Variants in VDR observed in about 807,000 individuals in gnomAD.
VDR encodes the protein vitamin D3 receptor.
A neutral mutation model predicts 39.7 loss-of-function variants in VDR; 19 were observed. The observed-to-expected ratio is 0.48, with a 90% CI of 0.33 to 0.70. VDR has a LOEUF of 0.70. VDR is among the 30% of genes least tolerant of loss of function. The pLI is 0.02. For synonymous variants in VDR, 242 were observed against 215.8 expected (o/e 1.12, Z -1.07); for missense variants, 442 against 570.5 (o/e 0.77, Z 2.29).
intron 7 of VDR, 82 bp downstream of exon 7, chr12:47,855,548 G>A (rs1187079451): frequency 6.6e-7 from 1 of 1,511,114 alleles, no homozygotes; most frequent in Non-Finnish European, 9.1e-7. Context: ...AAAAGAAGTG[G>A]TGGATGAGTG....
chr12:47,899,995 A>G, intron 1 of VDR: 1 of 978,830 alleles, frequency 1.0e-6, no homozygotes, highest in Non-Finnish European at 1.2e-6. Flanking sequence ...AGGTAGGCAA[A>G]GTGAGAATAG....
At chr12:47,886,520 G>C (rs1017420813) in intron 1 of VDR, among the ~76,000 whole-genome samples, 5 of 152,206 alleles carry the variant, frequency 3.3e-5, no homozygotes, top group Non-Finnish European at 7.3e-5. Flanking sequence ...ATAATGGGGA[G>C]TGGAGAGGGT....
chr12:47,859,970 T>C (rs879407200), intron 4 of VDR, among the ~76,000 whole-genome samples: 3 of 141,570 alleles, frequency 2.1e-5, no homozygotes, highest in Non-Finnish European at 4.5e-5. Flanking sequence ...TTTCTTTCTT[T>C]CTTTCTTTCT....
At chr12:47,845,099 A>C in intron 9 of VDR, 94 bp from the exon 10 acceptor site, 1 of 1,580,710 alleles carries the variant, frequency 6.3e-7, no homozygotes, top group Non-Finnish European at 8.6e-7. Context: ...CAGACACTCA[A>C]CGGCAGCACC....
rs146244426 is a variant in VDR, at chr12:47,871,758, C to T, written c.147-6581G>A. Among the ~76,000 whole-genome samples, 553 of 152,338 alleles carry T rather than the reference C, an allele frequency of 3.6e-3. 2 individuals are homozygous for T. Among genetic ancestry groups the T allele is most frequent in the Non-Finnish European group, 5.2e-3 (355 of 68,030 alleles). ...GGGATTACAGGCATGAGCCACCGTG[C>T]CCAGCCAGGCACTGGTTTCTTATCT... On this transcript the variant is annotated intron_variant, in intron 3 of 9. Transcript: ENST00000549336.
chr12:47,872,568 C>T (rs1232341776), intron 3 of VDR, among the ~76,000 whole-genome samples: 1 of 152,162 alleles, frequency 6.6e-6, no homozygotes, highest in Non-Finnish European at 1.5e-5. Flanking sequence ...GAGCCACAGC[C>T]CCTGTGCTAG....
At chr12:47,869,535 C>CAAAAAAAA (rs33940574) in intron 3 of VDR, among the ~76,000 whole-genome samples, 1 of 68,970 alleles carries the variant, frequency 1.4e-5, no homozygotes, top group African/African-American at 5.8e-5. Context: ...GACTCCATCT[C>CAAAAAAAA]AAAAAAAAAA....
chr12:47,880,734 C>T (rs1946129964), intron 2 of VDR, among the ~76,000 whole-genome samples: 1 of 151,790 alleles, frequency 6.6e-6, no homozygotes, highest in Middle Eastern at 3.4e-3. Context: ...TGGCAAAGAT[C>T]GCAATTACTT....
intron 1 of VDR, among the ~76,000 whole-genome samples, chr12:47,893,464 G>GA (rs36108348): frequency 4.2e-4 from 61 of 146,714 alleles, no homozygotes; most frequent in Middle Eastern, 6.8e-3. Context: ...TAGCTGAATA[G>GA]AAAAAAAAAA....
intron 3 of VDR, among the ~76,000 whole-genome samples, chr12:47,867,553 G>A (rs1176918573): frequency 6.6e-5 from 10 of 152,154 alleles, no homozygotes; most frequent in African/African-American, 2.4e-4. Flanking sequence ...CCTCCCTAGA[G>A]GCTTTTCATC....
At chr12:47,897,200 A>G (rs145002218) in intron 1 of VDR, among the ~76,000 whole-genome samples, 1 of 152,372 alleles carries the variant, frequency 6.6e-6, no homozygotes, top group East Asian at 1.9e-4. Flanking sequence ...CCAGCCTCGT[A>G]GGATTATTGA....
chr12:47,862,780 T>C (rs140553071), intron 4 of VDR, among the ~76,000 whole-genome samples: 27 of 152,358 alleles, frequency 1.8e-4, no homozygotes, highest in Non-Finnish European at 3.4e-4. Flanking sequence ...CCCAGGGTTC[T>C]GAGGCCGGGG....
chr12:47,897,321 C>A (rs1946480614), intron 1 of VDR, among the ~76,000 whole-genome samples: 1 of 152,156 alleles, frequency 6.6e-6, no homozygotes, highest in Non-Finnish European at 1.5e-5. Context: ...AATATGGTAA[C>A]CTCACAAGGG....
intron 3 of VDR, among the ~76,000 whole-genome samples, chr12:47,877,828 C>T (rs902717360): frequency 9.7e-4 from 147 of 152,146 alleles, no homozygotes; most frequent in Non-Finnish European, 1.2e-4. Flanking sequence ...AGTAGGCTGC[C>T]GGGAAGCCAA....
chr12:47,904,007 C>T (rs924458387), intron 1 of VDR, among the ~76,000 whole-genome samples: 1 of 151,992 alleles, frequency 6.6e-6, no homozygotes, highest in Admixed American at 6.6e-5. Context: ...AATGCCTGCC[C>T]AACTGCTTGC....
At position 47,857,651 on chromosome 12, in the gene VDR, C is replaced by T. The variant is rs140896907; in HGVS notation, c.315G>A (p.Glu105=). The T allele has an allele frequency of 2.4e-5, 39 of 1,614,182 alleles. No homozygotes were observed. In the East Asian group the frequency reaches 8.2e-4, roughly 34 times the overall value. The change falls in exon 5 of 10, where the codon GAG becomes GAA. Residue 105 remains glutamate (E), a synonymous_variant. Transcript: ENST00000549336. Reference sequence around the variant, plus strand: ...CCTCCTCCTTCCGCTTCAGGATCATCTCCCGCTTCCTCTGCACTTCCTCAT... The same window carrying T: ...CCTCCTCCTTCCGCTTCAGGATCATTTCCCGCTTCCTCTGCACTTCCTCAT... ...LTDEEVQRKR[E]MILKRKEEEA... is the part of the protein sequence containing the mutation.
Position 47,878,980 on chromosome 12 carries a change from T to C in VDR, c.134A>G (p.Lys45Arg). Reference protein sequence around the residue: ...HFNAMTCEGCKGFFRRSMKRK... With the variant: ...HFNAMTCEGCRGFFRRSMKRK... ...GAGGAGGGCTCACCTGAAGAAGCCT[T>C]TGCAGCCTTCACAGGTCATAGCATT... is the stretch of plus-strand genomic sequence containing the variant. The change falls in exon 3 of 10, where the codon AAA (lysine) becomes AGA (arginine). Residue 45 changes from lysine to arginine, a missense_variant. Around this residue, in one of 5 missense-constraint regions of VDR, gnomAD observed 141 missense variants for 141.3 expected, o/e 1.00. Coordinates refer to ENST00000549336, the MANE Select transcript of VDR (RefSeq NM_000376.3). 1.2e-6 allele frequency: 2 copies of C among 1,614,182 alleles called. No homozygotes were observed. Among genetic ancestry groups the C allele is most frequent in the South Asian group, 1.1e-5 (1 of 91,080 alleles).
chr12:47,882,950 G>C (rs892743607), intron 1 of VDR, 176 bp from the exon 2 acceptor site: 5 of 550,992 alleles, frequency 9.1e-6, no homozygotes, highest in African/African-American at 7.9e-5. Flanking sequence ...GCAGGGGTGT[G>C]GGGGTGGCGG....
intron 1 of VDR, chr12:47,896,551 T>C (rs913185073): frequency 2.6e-5 from 4 of 152,174 alleles, no homozygotes; most frequent in African/African-American, 9.7e-5. Context: ...ACGCAGGAGC[T>C]TGGCATTCAG....
Sources: allele counts gnomAD v4.1 joint callset (sites outside exome capture counted in the v4.1 genomes callset), GRCh38; gene constraint gnomAD v4.1.1; regional missense constraint gnomAD v4.1.1; transcripts MANE v1.5; gene names NCBI Gene and HGNC (gene_info 2026-07-23, HGNC 2026-07-21).